Variants in SGCD observed in about 807,000 individuals in gnomAD.
SGCD encodes delta-sarcoglycan.
A neutral mutation model predicts 36.6 loss-of-function variants in SGCD; 18 were observed. That is an observed-to-expected ratio of 0.49 (90% CI 0.34 to 0.73). The LOEUF (loss-of-function observed/expected upper bound fraction) is 0.73, where lower values mean the gene tolerates loss of function less well. SGCD is among the 30% of genes least tolerant of loss of function. The pLI is 0.01. For synonymous variants in SGCD, 133 were observed against 130.6 expected (o/e 1.02, Z -0.12); for missense variants, 387 against 346.7 (o/e 1.12, Z -0.92).
chr5:155,950,174 A>G (rs887944738), intron 1 of SGCD, among the ~76,000 whole-genome samples: 3 of 152,192 alleles, frequency 2.0e-5, no homozygotes, highest in Non-Finnish European at 4.4e-5. Flanking sequence ...GACATAAACA[A>G]TATTATCAGA....
rs67339181 is a variant in SGCD, at chr5:156,558,088, A to AATATATATATATATATATATAT, written c.295-31128_295-31107dup. ...ACTGAGTGTGTTATTAGTAAATACA[A>AATATATATATATATATATATAT]ATATATATATATATATATATATATA... On this transcript the variant is annotated intron_variant, in intron 4 of 8. Transcript: ENST00000337851. Among the ~76,000 whole-genome samples, 53 of 95,556 alleles carry AATATATATATATATATATATAT rather than the reference A, an allele frequency of 5.5e-4. 1 individual carries two copies. Among genetic ancestry groups the AATATATATATATATATATATAT allele is most frequent in the Non-Finnish European group, 7.1e-4 (33 of 46,172 alleles). The allele number at this position is 95,556 out of a possible 152,430, so 62.7% of individuals were successfully genotyped here. A position where few individuals can be genotyped will look rare whatever the true frequency, so the allele number is the denominator to read the frequency against.
chr5:155,812,130 C>T, the SGCD span, among the ~76,000 whole-genome samples: 1 of 152,186 alleles, frequency 6.6e-6, no homozygotes, highest in South Asian at 2.1e-4. Context: ...CAGAAATTCT[C>T]GGAAGGGAGT....
At chr5:156,380,887 G>A (rs943455352) in intron 3 of SGCD, among the ~76,000 whole-genome samples, 12 of 152,110 alleles carry the variant, frequency 7.9e-5, no homozygotes, top group African/African-American at 2.4e-4. Context: ...TTTTTCTCTC[G>A]TAAGTCGAGT....
the SGCD span, among the ~76,000 whole-genome samples, chr5:155,791,565 A>G: frequency 6.6e-6 from 1 of 152,218 alleles, no homozygotes; most frequent in Non-Finnish European, 1.5e-5. Context: ...GTAACATTTC[A>G]GGATACAAAA....
At chr5:155,832,871 T>A in the SGCD span, among the ~76,000 whole-genome samples, 1 of 152,044 alleles carries the variant, frequency 6.6e-6, no homozygotes, top group Non-Finnish European at 1.5e-5. Flanking sequence ...TCAGCCATAC[T>A]CTTTCTAGGA....
intron 7 of SGCD, among the ~76,000 whole-genome samples, chr5:156,756,332 A>G (rs1757333645): frequency 6.6e-6 from 1 of 152,224 alleles, no homozygotes. Flanking sequence ...AGATCACTTG[A>G]GCCCAGGAAT....
chr5:156,727,809 C>T (rs1755853337), intron 7 of SGCD, among the ~76,000 whole-genome samples: 1 of 152,160 alleles, frequency 6.6e-6, no homozygotes, highest in Admixed American at 6.5e-5. Context: ...CACTGGGTTT[C>T]CCTTGATAAA....
At chr5:155,907,839 G>A (rs1166021333) in intron 1 of SGCD, among the ~76,000 whole-genome samples, 1 of 152,160 alleles carries the variant, frequency 6.6e-6, no homozygotes, top group Non-Finnish European at 1.5e-5. Flanking sequence ...TAGGGTTTGA[G>A]AGGATTGACT....
At chr5:155,890,971 A>G in intron 1 of SGCD, among the ~76,000 whole-genome samples, 1 of 152,156 alleles carries the variant, frequency 6.6e-6, no homozygotes. Flanking sequence ...TCTCCCTACC[A>G]TGTGGGAAAG....
At chr5:156,141,850 G>A (rs1301878847) in intron 3 of SGCD, among the ~76,000 whole-genome samples, 1 of 152,162 alleles carries the variant, frequency 6.6e-6, no homozygotes, top group Non-Finnish European at 1.5e-5. Flanking sequence ...TCATATGCAA[G>A]GAAATAATCT....
intron 3 of SGCD, among the ~76,000 whole-genome samples, chr5:156,206,940 A>G (rs1160144254): frequency 6.6e-6 from 1 of 152,090 alleles, no homozygotes; most frequent in African/African-American, 2.4e-5. Context: ...ACAGGCTCCA[A>G]TATCAGGTGA....
chr5:156,605,892 G>C (rs1384444469), intron 6 of SGCD, among the ~76,000 whole-genome samples: 2 of 152,056 alleles, frequency 1.3e-5, no homozygotes, highest in Admixed American at 6.5e-5. Context: ...TTTTTGATGG[G>C]GTTGTTTTTT....
chr5:155,738,174 A>G, the SGCD span, among the ~76,000 whole-genome samples: 5 of 152,086 alleles, frequency 3.3e-5, no homozygotes, highest in Admixed American at 2.0e-4. Context: ...TGTATGAACA[A>G]CCCTTTCTGG....
At chr5:156,073,559 T>C (rs964905938) in intron 1 of SGCD, among the ~76,000 whole-genome samples, 3 of 152,178 alleles carry the variant, frequency 2.0e-5, no homozygotes, top group Non-Finnish European at 4.4e-5. Flanking sequence ...TGAGACCCTG[T>C]CTCAAAAAGG....
At chr5:156,614,955 T>A (rs563195300) in intron 6 of SGCD, among the ~76,000 whole-genome samples, 5 of 152,334 alleles carry the variant, frequency 3.3e-5, no homozygotes, top group African/African-American at 1.2e-4. Flanking sequence ...CGAAAAATGT[T>A]TTTGCCACCC....
the SGCD span, among the ~76,000 whole-genome samples, chr5:155,805,668 C>A: frequency 1.3e-5 from 2 of 152,282 alleles, no homozygotes; most frequent in Admixed American, 1.3e-4. Context: ...TGGTTGAGAA[C>A]CTCTGTTGTA....
chr5:156,179,472 A>G lies in SGCD; in HGVS notation c.-44+55453A>G, dbSNP rs1449129006. Among the ~76,000 whole-genome samples the G allele has an allele frequency of 2.0e-5, 3 of 152,114 alleles. No individual in the cohort carries two copies. In the East Asian group the frequency reaches 5.8e-4, roughly 29 times the overall value. ...TAGTTGTATACTTACTGAGTTTGGT[A>G]TTTTAAAATATCACTTTAAGAAAAT... On this transcript the variant is annotated intron_variant, in intron 3 of 9. Transcript: ENST00000517913.
intron 1 of SGCD, among the ~76,000 whole-genome samples, chr5:156,103,721 A>G (rs1198776037): frequency 1.3e-5 from 2 of 152,164 alleles, no homozygotes; most frequent in Non-Finnish European, 2.9e-5. Context: ...TTATGATGAT[A>G]TATTAGATTT....
At chr5:156,722,248 A>G (rs1171536653) in intron 7 of SGCD, among the ~76,000 whole-genome samples, 2 of 152,194 alleles carry the variant, frequency 1.3e-5, no homozygotes, top group Admixed American at 1.3e-4. Flanking sequence ...TGCATCTCCC[A>G]ATACTGAAAG....
Sources: allele counts gnomAD v4.1 joint callset (sites outside exome capture counted in the v4.1 genomes callset), GRCh38; gene constraint gnomAD v4.1.1; transcripts MANE v1.5; gene names NCBI Gene and HGNC (gene_info 2026-07-23, HGNC 2026-07-21).